Variants in MTMR8 observed in about 807,000 individuals in gnomAD.
MTMR8 encodes the protein myotubularin related protein 8.
In MTMR8, 65 loss-of-function variants were observed where a neutral mutation model predicts 39.3. The ratio of observed to expected loss-of-function variants is 1.65; its 90% CI spans 1.35 to 2.03. The LOEUF (loss-of-function observed/expected upper bound fraction) is 2.03. MTMR8 is among the 30% of genes most tolerant of loss of function. MTMR8 has a pLI of 0.00. For synonymous variants in MTMR8, 245 were observed against 185.2 expected (o/e 1.32, Z -2.62); for missense variants, 777 against 538.9 (o/e 1.44, Z -4.37).
chrX:64,307,705 GAAT>G (rs1243826724), intron 12 of MTMR8, among the ~76,000 whole-genome samples: 14 of 111,465 alleles, frequency 1.3e-4, no homozygotes, highest in African/African-American at 4.6e-4. Flanking sequence ...ACACATTTTA[GAAT>G]AATGTTGACT....
At chrX:64,386,184 CTG>C (rs755985590) in intron 1 of MTMR8, among the ~76,000 whole-genome samples, 3 of 111,915 alleles carry the variant, frequency 2.7e-5, no homozygotes, top group Non-Finnish European at 5.6e-5. Flanking sequence ...ACAAAATACA[CTG>C]TTCTGTTAAT....
intron 6 of MTMR8, among the ~76,000 whole-genome samples, chrX:64,346,897 T>G (rs1923361278): frequency 9.0e-6 from 1 of 111,411 alleles, no homozygotes; most frequent in Non-Finnish European, 1.9e-5. Context: ...TAATATTTAT[T>G]GTAATGTAAT....
chrX:64,362,300 A>C (rs1923802210), intron 1 of MTMR8, among the ~76,000 whole-genome samples: 1 of 106,902 alleles, frequency 9.4e-6, no homozygotes, highest in South Asian at 4.2e-4. Flanking sequence ...GGATTTTCTA[A>C]TAAACTTATT....
chrX:64,363,335 G>A (rs1236403165), intron 1 of MTMR8, among the ~76,000 whole-genome samples: 2 of 111,792 alleles, frequency 1.8e-5, no homozygotes, highest in Non-Finnish European at 3.8e-5. Flanking sequence ...TGGATCATGG[G>A]GGTGAATTCC....
At position 64,345,110 on chromosome X, in the gene MTMR8, C is replaced by T. The variant is rs758094341; in HGVS notation, c.800G>A (p.Arg267His). The change falls in exon 7 of 14, where the codon CGC (arginine) becomes CAC (histidine). Residue 267 changes from arginine to histidine, a missense_variant. Physicochemically the swap from Arg to His is conservative, Grantham distance 29. Coordinates refer to ENST00000374852, the MANE Select transcript of MTMR8 (RefSeq NM_017677.4). ...GTTCTCAATGCCCATGAATCTGAAGCGAATGTTGGCATAGTTGTCTTCATT... is the reference window on the plus strand; with the variant it reads ...GTTCTCAATGCCCATGAATCTGAAGTGAATGTTGGCATAGTTGTCTTCATT... ...YENEDNYANI[R>H]FRFMGIENIH... 35 of 1,209,147 alleles carry T rather than the reference C, an allele frequency of 2.9e-5. No homozygotes were observed. The highest frequency in any genetic ancestry group is 2.3e-4 in the Middle Eastern group (1 of 4,370).
intron 10 of MTMR8, among the ~76,000 whole-genome samples, chrX:64,334,663 C>T (rs1043430417): frequency 1.1e-4 from 12 of 108,204 alleles, no homozygotes; most frequent in Non-Finnish European, 1.9e-4. Flanking sequence ...ATTCTCCCTA[C>T]ACACCCTTTG....
intron 9 of MTMR8, among the ~76,000 whole-genome samples, chrX:64,336,885 C>T (rs921403153): frequency 8.0e-5 from 9 of 112,098 alleles, no homozygotes; most frequent in African/African-American, 2.3e-4. Context: ...GAAAGATCAA[C>T]TAAGAGGCTT....
At chrX:64,386,869 C>A (rs1924573370) in intron 1 of MTMR8, among the ~76,000 whole-genome samples, 1 of 108,080 alleles carries the variant, frequency 9.3e-6, no homozygotes, top group South Asian at 4.2e-4. Flanking sequence ...CATAGTGAGA[C>A]CTCATATCTA....
chrX:64,303,023 G>A, intron 12 of MTMR8, among the ~76,000 whole-genome samples: 1 of 112,510 alleles, frequency 8.9e-6, no homozygotes, highest in Middle Eastern at 4.6e-3. Context: ...TCTGTCAAAG[G>A]ATCACTTAAA....
chrX:64,382,084 T>C (rs193020667), intron 1 of MTMR8, among the ~76,000 whole-genome samples: 1,579 of 111,748 alleles, frequency 0.014, 37 homozygotes, highest in African/African-American at 0.047. Flanking sequence ...CTTGGCAATG[T>C]GGGCTCTTTT....
At chrX:64,346,541 AAATAAT>A (rs1041548948) in intron 6 of MTMR8, among the ~76,000 whole-genome samples, 1 of 109,574 alleles carries the variant, frequency 9.1e-6, no homozygotes, top group Admixed American at 9.7e-5. Context: ...GCTTCAGCAA[AAATAAT>A]AATAATAATA....
In MTMR8 at chrX:64,395,428, C is replaced by A. The variant is rs1315801489; in HGVS notation, c.-65G>T. 1.9e-5 allele frequency: 22 copies of A among 1,131,953 alleles called. No homozygotes were observed. Among genetic ancestry groups the A allele is most frequent in the Non-Finnish European group, 2.7e-5 (22 of 828,127 alleles). The allele number at this position is 1,131,953 out of a possible 1,213,427, so 93.3% of individuals were successfully genotyped here. A position where few individuals can be genotyped will look rare whatever the true frequency, so the allele number is the denominator to read the frequency against. ...CAGATGCCGCCGCCACCGGTCTAGCCGCCTCCTGCCTCAACCCGGGTTTCT... is the reference window on the plus strand; with the variant it reads ...CAGATGCCGCCGCCACCGGTCTAGCAGCCTCCTGCCTCAACCCGGGTTTCT... On this transcript the variant is annotated 5_prime_UTR_variant, in exon 1 of 14. Transcript: ENST00000374852.
chrX:64,341,557 T>C (rs1923219432), intron 8 of MTMR8, among the ~76,000 whole-genome samples: 1 of 109,599 alleles, frequency 9.1e-6, no homozygotes, highest in Non-Finnish European at 1.9e-5. Context: ...TGTAACTCTA[T>C]ATGTTGAAAA....
At chrX:64,377,046 G>T (rs1232355151) in intron 1 of MTMR8, among the ~76,000 whole-genome samples, 2 of 112,366 alleles carry the variant, frequency 1.8e-5, no homozygotes, top group Non-Finnish European at 3.8e-5. Context: ...ATGGTGTTAA[G>T]CCTGCAGGTG....
intron 1 of MTMR8, among the ~76,000 whole-genome samples, chrX:64,387,879 A>C (rs1335818761): frequency 9.1e-6 from 1 of 109,869 alleles, no homozygotes; most frequent in Non-Finnish European, 1.9e-5. Context: ...AAAAAGAGAG[A>C]AAAGGAGAGA....
At chrX:64,292,386 A>C (rs771833539) in intron 12 of MTMR8, among the ~76,000 whole-genome samples, 3 of 111,519 alleles carry the variant, frequency 2.7e-5, no homozygotes, top group Non-Finnish European at 5.7e-5. Flanking sequence ...ATCCTACTCA[A>C]GGGATGCTCC....
At chrX:64,349,574 C>T (rs939894375) in intron 5 of MTMR8, among the ~76,000 whole-genome samples, 4 of 111,201 alleles carry the variant, frequency 3.6e-5, no homozygotes, top group Non-Finnish European at 5.7e-5. Flanking sequence ...ATGAAAAGCA[C>T]TAAGAAAGTA....
At chrX:64,320,457 G>T (rs751199490) in intron 12 of MTMR8, among the ~76,000 whole-genome samples, 22 of 110,671 alleles carry the variant, frequency 2.0e-4, no homozygotes, top group Admixed American at 9.7e-5. Context: ...TGGCCTGCCT[G>T]GTAGCTCCCT....
chrX:64,319,363 C>T (rs768932417), intron 12 of MTMR8, among the ~76,000 whole-genome samples: 1 of 112,430 alleles, frequency 8.9e-6, no homozygotes, highest in Admixed American at 9.4e-5. Flanking sequence ...TGCCTGTTCA[C>T]TCTGATGGTA....
Sources: gnomAD v4.1 joint callset for allele counts (sites outside exome capture counted in the v4.1 genomes callset) on GRCh38, gnomAD v4.1.1 for gene constraint, MANE v1.5 for transcripts, NCBI Gene and HGNC (gene_info 2026-07-23, HGNC 2026-07-21) for gene names.